FAT2: variants seen among roughly 807,000 people sequenced by gnomAD.
FAT2 encodes FAT atypical cadherin 2.
In FAT2, 150 loss-of-function variants were observed where a neutral mutation model predicts 295.3. That is an observed-to-expected ratio of 0.51 (90% CI 0.44 to 0.58). The LOEUF (loss-of-function observed/expected upper bound fraction) is 0.58. Ranked by LOEUF, FAT2 falls within the 20% of genes least tolerant of loss-of-function variation. The pLI, the probability that FAT2 is intolerant of heterozygous loss-of-function variation, is 0.00. For synonymous variants in FAT2, 2,026 were observed against 2,150.3 expected, an observed-to-expected ratio of 0.94 and a Z score of 1.60; for missense variants, 4,868 against 5,442.7, an observed-to-expected ratio of 0.89 and a Z score of 3.32.
intron 10 of FAT2, 41 bp from the exon 11 acceptor site, chr5:151,540,804 G>A (rs2127603064): frequency 1.3e-6 from 2 of 1,562,946 alleles, no homozygotes; most frequent in Non-Finnish European, 1.7e-6. Context: ...CAAGCAATAG[G>A]AATGAACTAG....
intron 6 of FAT2, 61 bp downstream of exon 6, chr5:151,553,116 T>A: frequency 6.5e-7 from 1 of 1,529,812 alleles, no homozygotes; most frequent in African/African-American, 1.4e-5. Context: ...GCAGGAAAAC[T>A]AGAGCTGGTG....
rs751157006 is a variant in FAT2 at position 151,545,708 on chromosome 5, G to A, written c.5419C>T (p.Pro1807Ser). The A allele has an allele frequency of 6.2e-7, 1 of 1,613,994 alleles. No individual in the cohort carries two copies. The highest frequency in any genetic ancestry group is 8.5e-7 in the Non-Finnish European group (1 of 1,180,040). Residue 1807 changes from proline (P) to serine (S), a missense_variant, in exon 10 of 24, where the codon CCG (proline) becomes TCG (serine). By Grantham distance (74) the Pro-to-Ser change is moderately conservative (BLOSUM62 -1). Coordinates refer to ENST00000261800, the MANE Select transcript of FAT2 (RefSeq NM_001447.3). ...ATTTTGAAAAACTTCAAGGCCTCCG[G>A]CTCCAAAATTTTATAGACCAACAAG... is the stretch of plus-strand genomic sequence containing the variant. ...NSLLVYKILE[P>S]EALKFFKIDP...
chr5:151,545,589 T>C lies in FAT2; in HGVS notation c.5538A>G (p.Gly1846=). The C allele has an allele frequency of 6.2e-7, 1 of 1,614,080 alleles. No individual in the cohort carries two copies. The highest frequency in any genetic ancestry group is 8.5e-7 in the Non-Finnish European group (1 of 1,179,970). ...GTCTGGGTGCAAATAATACAGGGCT[T>C]CCTTGGTCATGGACATAGACACAGA... is the stretch of plus-strand genomic sequence containing the variant. The part of the protein sequence containing the change: ...FQFCVYVHDQ[G]SPVLFAPRPA... The change falls in exon 10 of 24, where the codon GGA becomes GGG. Residue 1846 remains glycine, a synonymous_variant. Transcript: ENST00000261800.
chr5:151,512,232 G>GA lies in FAT2; in HGVS notation c.11837dup (p.His3947ProfsTer3). The GA allele has an allele frequency of 6.2e-7, 1 of 1,614,224 alleles. No homozygotes were observed. The highest frequency in any genetic ancestry group is 8.5e-7 in the Non-Finnish European group (1 of 1,180,042). ...TGTTCTGGCTGCAGTAGTCACTGTG[G>GA]AGGCAGCACTGGGTGAGGGCTTGTG... On this transcript the variant is annotated frameshift_variant, in exon 21 of 24. Transcript: ENST00000261800. LOFTEE classifies it high-confidence loss of function. This position sits in a 1 kb window ranked among gnomAD's most constrained non-coding sequence, Gnocchi z 4.1.
In FAT2 at chr5:151,563,586, A is replaced by G. The variant is rs1758123214; in HGVS notation, c.3313T>C (p.Leu1105=). Residue 1105 remains leucine, a synonymous_variant, in exon 3 of 24, where the codon TTG becomes CTG. Transcript: ENST00000261800. Reference sequence around the variant, plus strand: ...CCCCTGTCCACTGCTAATACCGTCAACCAGTAGTAAGATGCAAATTCTCGG... The same window carrying G: ...CCCCTGTCCACTGCTAATACCGTCAGCCAGTAGTAAGATGCAAATTCTCGG... The part of the protein sequence containing the change: ...LDREFASYYW[L]TVLAVDRGSV... The G allele has an allele frequency of 1.2e-6, 2 of 1,614,196 alleles. No homozygotes were observed. The highest frequency in any genetic ancestry group is 4.5e-5 in the East Asian group (2 of 44,884).
In FAT2 at chr5:151,505,283, C is replaced by T. The variant is rs757579664; in HGVS notation, c.*282G>A. 3 of 489,468 alleles carry T rather than the reference C, an allele frequency of 6.1e-6. No homozygotes were observed. The highest frequency in any genetic ancestry group is 1.1e-5 in the Non-Finnish European group (3 of 278,256). The allele number at this position is 489,468 out of a possible 1,614,324, so 30.3% of individuals were successfully genotyped here. A position where few individuals can be genotyped will look rare whatever the true frequency, so the allele number is the denominator to read the frequency against. ...ATCAGGGAGCCCTCCTGTCTCTCGC[C>T]CACCCCGGGAGTCAATTGTTCCTGG... is the stretch of plus-strand genomic sequence containing the variant. On this transcript the variant is annotated 3_prime_UTR_variant, in exon 24 of 24. Coordinates refer to ENST00000261800, the MANE Select transcript of FAT2 (RefSeq NM_001447.3).
In FAT2 at chr5:151,546,128, C is replaced by T. The variant is rs2127614039; in HGVS notation, c.4999G>A (p.Val1667Ile). Residue 1667 changes from valine to isoleucine, a missense_variant, in exon 10 of 24, where the codon GTA (valine) becomes ATA (isoleucine). Val to Ile is a conservative substitution (Grantham distance 29). Transcript: ENST00000261800. ...ACAGGGATTGATTCAGGGATCTCTA[C>T]AAAGTACTCAGATTTTGAAAAGATG... ...APIFSKSEYF[V>I]EIPESIPVGS... 2 of 1,614,108 alleles carry T rather than the reference C, an allele frequency of 1.2e-6. No individual in the cohort carries two copies. The highest frequency in any genetic ancestry group is 1.7e-6 in the Non-Finnish European group (2 of 1,180,028).
In FAT2 at chr5:151,577,764, A is replaced by G. The variant is rs6896862; in HGVS notation, c.-20-8813T>C. On this transcript the variant is annotated intron_variant, in intron 1 of 23. Transcript: ENST00000261800. ...TCAAGTTTGCAGATCCTGATACGCA[A>G]TGAGGCCCAAAGAGAGGAAGAGGCG... Among the ~76,000 whole-genome samples the G allele has an allele frequency of 8.9e-3, 1,350 of 152,252 alleles. 19 individuals carry two copies. Among genetic ancestry groups the G allele is most frequent in the African/African-American group, 0.029 (1,219 of 41,526 alleles).
At position 151,533,282 on chromosome 5, in the gene FAT2, G is replaced by A. The variant is rs115218204; in HGVS notation, c.9427+1127C>T. ...AGCCTTGCAGCCATTAGATGGAGAC[G>A]TAAATAAGATGGCTTATGGGTCACT... is the stretch of plus-strand genomic sequence containing the variant. On this transcript the variant is annotated intron_variant, in intron 13 of 23. Transcript: ENST00000261800. 3.7e-3 allele frequency among the ~76,000 whole-genome samples: 562 copies of A among 152,190 alleles called. 4 individuals carry two copies. Among genetic ancestry groups the A allele is most frequent in the African/African-American group, 0.013 (543 of 41,536 alleles).
rs748130207 is a variant in FAT2, at chr5:151,507,215, C to G, written c.12456G>C (p.Ala4152=). The G allele has an allele frequency of 6.2e-7, 1 of 1,612,320 alleles. No homozygotes were observed. The change falls in exon 23 of 24, where the codon GCG becomes GCC. Residue 4152 remains alanine, a synonymous_variant. Coordinates refer to ENST00000261800, the MANE Select transcript of FAT2 (RefSeq NM_001447.3). The stretch of plus-strand genomic sequence containing the variant: ...GCTCATTGTCAGAGTGGGAAGGGAC[C>G]GCAGCTGGCGGGAGTCTGGGGGGCA... The part of the protein sequence containing the change: ...CSVPPRLPPA[A]VPSHSDNEPV...
Position 151,566,624 on chromosome 5 carries a change from C to T in FAT2, c.2308G>A (p.Gly770Arg). 2 of 1,614,186 alleles carry T rather than the reference C, an allele frequency of 1.2e-6. No individual in the cohort carries two copies. The highest frequency in any genetic ancestry group is 1.7e-6 in the Non-Finnish European group (2 of 1,180,038). ...EGCFDIELET[G>R]LLTVAAPLDY... The stretch of plus-strand genomic sequence containing the variant: ...AAGGGAGCAGCTACAGTGAGCAGCC[C>T]TGTCTCCAGCTCTATGTCAAAGCAG... The change falls in exon 2 of 24, where the codon GGG becomes AGG. Residue 770 changes from glycine (G) to arginine (R), a missense_variant. By Grantham distance (125) the Gly-to-Arg change is moderately radical (BLOSUM62 -2). This residue lies in a region of FAT2 where 3,297 missense variants were observed against 3,669.4 expected (regional missense o/e 0.90). Transcript: ENST00000261800.
chr5:151,580,007 C>T (rs1758883826), intron 1 of FAT2, among the ~76,000 whole-genome samples: 1 of 152,158 alleles, frequency 6.6e-6, no homozygotes, highest in African/African-American at 2.4e-5. Context: ...CTCCCTAGGG[C>T]ACAGTTTGAA....
At chr5:151,536,221 GAA>G (rs11307084) in intron 12 of FAT2, among the ~76,000 whole-genome samples, 1 of 150,848 alleles carries the variant, frequency 6.6e-6, no homozygotes, top group Non-Finnish European at 1.5e-5. Context: ...TCCATATTCA[GAA>G]AAAAAAACGC....
At chr5:151,518,019 T>C (rs1753039955) in intron 19 of FAT2, among the ~76,000 whole-genome samples, 1 of 152,120 alleles carries the variant, frequency 6.6e-6, no homozygotes, top group African/African-American at 2.4e-5. Context: ...TCAAGAAATA[T>C]GAATTTAAAC....
chr5:151,577,930 G>T (rs1459663704), intron 1 of FAT2, among the ~76,000 whole-genome samples: 3 of 151,794 alleles, frequency 2.0e-5, no homozygotes, highest in Non-Finnish European at 4.4e-5. Flanking sequence ...ATCCTGAGGG[G>T]TCAACAACTC....
chr5:151,509,902 C>A, intron 22 of FAT2, 119 bp downstream of exon 22: 1 of 1,227,694 alleles, frequency 8.1e-7, no homozygotes, highest in Non-Finnish European at 1.1e-6. Context: ...TGGAAAAGGC[C>A]TAGAAGCCAG....
chr5:151,521,424 G>T lies in FAT2; in HGVS notation c.11169C>A (p.Pro3723=), dbSNP rs757987231. 7.4e-6 allele frequency: 12 copies of T among 1,614,086 alleles called. No individual in the cohort carries two copies. The highest frequency in any genetic ancestry group is 1.3e-5 in the African/African-American group (1 of 74,924). ...AGGTTGGCCCCTGGCAGGGCACCAT[G>T]GGCATAGCTGACCGCATCTGAACCC... is the stretch of plus-strand genomic sequence containing the variant. ...SVGVQMRSAM[P]MVPCQGPTCQ... Residue 3723 remains proline, a synonymous_variant, in exon 19 of 24, where the codon CCC becomes CCA. Coordinates refer to ENST00000261800, the MANE Select transcript of FAT2 (RefSeq NM_001447.3).
At chr5:151,581,517 G>C (rs1472495181) in intron 1 of FAT2, among the ~76,000 whole-genome samples, 1 of 152,234 alleles carries the variant, frequency 6.6e-6, no homozygotes, top group Non-Finnish European at 1.5e-5. Flanking sequence ...GAACTACGGA[G>C]TGCTTGCAGA....
rs747806755 is a variant in FAT2 at position 151,563,621 on chromosome 5, G to C, written c.3278C>G (p.Ala1093Gly). 6.2e-7 allele frequency: 1 copy of C among 1,613,760 alleles called. No homozygotes were observed. The highest frequency in any genetic ancestry group is 1.3e-5 in the African/African-American group (1 of 74,890). Residue 1093 changes from alanine to glycine, a missense_variant, in exon 3 of 24, where the codon GCA becomes GGA. Transcript: ENST00000261800. ...AGATGCAAATTCTCGGTCCAGGGGTGCCAGAGTCTGAATCATTCCTAGGGA... is the reference window on the plus strand; with the variant it reads ...AGATGCAAATTCTCGGTCCAGGGGTCCCAGAGTCTGAATCATTCCTAGGGA... The part of the protein sequence containing the change: ...NQDTGMIQTL[A>G]PLDREFASYY...
Sources: allele counts gnomAD v4.1 joint callset (sites outside exome capture counted in the v4.1 genomes callset), GRCh38; gene constraint gnomAD v4.1.1; regional missense constraint gnomAD v4.1.1; non-coding constraint Gnocchi (gnomAD v3.1); transcripts MANE v1.5; gene names NCBI Gene and HGNC (gene_info 2026-07-23, HGNC 2026-07-21).